CATSPERB: variants seen among roughly 807,000 people sequenced by gnomAD.
CATSPERB encodes the protein catsper channel auxiliary subunit beta, also known as cation channel sperm-associated auxiliary subunit beta.
Under a neutral mutation model 128.3 loss-of-function variants are expected in CATSPERB, and 93 were observed. That is an observed-to-expected ratio of 0.72 (90% CI 0.61 to 0.86). The LOEUF (loss-of-function observed/expected upper bound fraction) is 0.86, where lower values mean the gene tolerates loss of function less well. Ranked by LOEUF, CATSPERB falls within the 40% of genes least tolerant of loss-of-function variation. The pLI, the probability that CATSPERB is intolerant of heterozygous loss-of-function variation, is 0.00. For synonymous variants in CATSPERB, 381 were observed against 448.8 expected (o/e 0.85, Z 1.91); for missense variants, 1,153 against 1,329.5 (o/e 0.87, Z 2.06).
chr14:91,615,001 G>A (rs1205233657), intron 20 of CATSPERB, among the ~76,000 whole-genome samples: 4 of 152,018 alleles, frequency 2.6e-5, no homozygotes, highest in Non-Finnish European at 4.4e-5. Context: ...ATTCTGAAAC[G>A]TACAATACTA....
At chr14:91,658,355 A>G (rs1894820677) in intron 15 of CATSPERB, among the ~76,000 whole-genome samples, 2 of 152,062 alleles carry the variant, frequency 1.3e-5, no homozygotes, top group South Asian at 4.2e-4. Context: ...TCACAGACAT[A>G]GAGAGTAGAA....
chr14:91,730,576 G>A (rs1291709766), intron 1 of CATSPERB, among the ~76,000 whole-genome samples: 2 of 152,172 alleles, frequency 1.3e-5, no homozygotes, highest in Non-Finnish European at 2.9e-5. Context: ...ACTGGAGTGA[G>A]CAACCTGTGG....
chr14:91,636,756 T>C (rs925912967), intron 16 of CATSPERB, among the ~76,000 whole-genome samples, 177 bp from the exon 17 acceptor site: 1 of 152,204 alleles, frequency 6.6e-6, no homozygotes, highest in African/African-American at 2.4e-5. Flanking sequence ...AGGGAAGATG[T>C]ATTTTCCTGT....
chr14:91,582,411 C>A (rs2139751883), intron 26 of CATSPERB, among the ~76,000 whole-genome samples: 1 of 152,254 alleles, frequency 6.6e-6, no homozygotes, highest in South Asian at 2.1e-4. Context: ...AAACTTTATG[C>A]TTTTGATTGT....
At chr14:91,593,816 G>A (rs1315620014) in intron 22 of CATSPERB, among the ~76,000 whole-genome samples, 5 of 152,160 alleles carry the variant, frequency 3.3e-5, no homozygotes, top group Non-Finnish European at 5.9e-5. Flanking sequence ...ATATGGTTTG[G>A]CTGTGTTCCC....
At chr14:91,625,840 T>C (rs1894148896) in intron 17 of CATSPERB, among the ~76,000 whole-genome samples, 1 of 152,152 alleles carries the variant, frequency 6.6e-6, no homozygotes, top group Non-Finnish European at 1.5e-5. Flanking sequence ...AAAAATTAAC[T>C]CTAGGCCGGG....
At chr14:91,590,694 C>T (rs1461278641) in intron 23 of CATSPERB, among the ~76,000 whole-genome samples, 2 of 151,156 alleles carry the variant, frequency 1.3e-5, no homozygotes, top group East Asian at 3.9e-4. Flanking sequence ...GCTCTGTCGC[C>T]CAGGCTAGAG....
intron 22 of CATSPERB, among the ~76,000 whole-genome samples, chr14:91,601,633 G>T (rs1893609082): frequency 6.6e-6 from 1 of 152,114 alleles, no homozygotes; most frequent in African/African-American, 2.4e-5. Context: ...CACATTAGAG[G>T]ATAATAATAT....
chr14:91,624,747 T>C, intron 18 of CATSPERB, 73 bp downstream of exon 18: 1 of 1,153,598 alleles, frequency 8.7e-7, no homozygotes, highest in Non-Finnish European at 1.2e-6. Context: ...AAATAAGCAT[T>C]AAAATGCCTT....
intron 17 of CATSPERB, among the ~76,000 whole-genome samples, chr14:91,630,241 C>A (rs972013239): frequency 1.3e-5 from 2 of 151,860 alleles, no homozygotes; most frequent in East Asian, 3.9e-4. Context: ...ACTGGCTGCT[C>A]CTTCTCATCC....
intron 5 of CATSPERB, chr14:91,709,313 G>A (rs1210145895): frequency 6.6e-6 from 1 of 152,042 alleles, no homozygotes; most frequent in Non-Finnish European, 1.5e-5. Flanking sequence ...TTTCTGCTGG[G>A]TAAGTGGTTT....
rs1379416355 is a variant in CATSPERB, at chr14:91,636,419, C to T, written c.1742+6G>A. 9 of 1,612,370 alleles carry T rather than the reference C, an allele frequency of 5.6e-6. No homozygotes were observed. Among genetic ancestry groups the T allele is most frequent in the South Asian group, 1.1e-5 (1 of 90,816 alleles). On this transcript the variant is annotated splice_donor_region_variant and intron_variant, in intron 17 of 26. Coordinates refer to ENST00000256343, the MANE Select transcript of CATSPERB (RefSeq NM_024764.4). The stretch of plus-strand genomic sequence containing the variant: ...ATATGCCATCTAAATAAATGCATAT[C>T]ACTACCCAGAGTGTATCACTTTTCC...
chr14:91,719,565 T>A, intron 4 of CATSPERB, 87 bp from the exon 5 acceptor site: 1 of 1,072,314 alleles, frequency 9.3e-7, no homozygotes. Flanking sequence ...AAAAGAGAAT[T>A]AAACAAAAAC....
At chr14:91,694,699 G>GA (rs1456611800) in intron 7 of CATSPERB, among the ~76,000 whole-genome samples, 1 of 152,120 alleles carries the variant, frequency 6.6e-6, no homozygotes, top group Non-Finnish European at 1.5e-5. Flanking sequence ...TAAAAACAGA[G>GA]AAAACTTTTG....
At chr14:91,685,385 A>G (rs1206048103) in intron 10 of CATSPERB, among the ~76,000 whole-genome samples, 1 of 152,202 alleles carries the variant, frequency 6.6e-6, no homozygotes, top group East Asian at 1.9e-4. Context: ...AACTTGTTCA[A>G]AATTTTATGT....
intron 23 of CATSPERB, 145 bp from the exon 24 acceptor site, chr14:91,589,814 T>C (rs12590560): frequency 1.9e-5 from 13 of 694,662 alleles, no homozygotes; most frequent in Admixed American, 8.4e-5. Context: ...TTTTCAGTCA[T>C]GAAAATGTCT....
intron 7 of CATSPERB, among the ~76,000 whole-genome samples, chr14:91,700,849 C>T (rs1176248892): frequency 6.6e-6 from 1 of 152,080 alleles, no homozygotes; most frequent in Non-Finnish European, 1.5e-5. Flanking sequence ...GGTTGAAAAA[C>T]TAACTATTGG....
intron 5 of CATSPERB, among the ~76,000 whole-genome samples, chr14:91,711,711 A>G (rs1007530737): frequency 1.3e-5 from 2 of 152,228 alleles, no homozygotes; most frequent in Admixed American, 1.3e-4. Context: ...AAGAGGGACA[A>G]TACATATGAC....
chr14:91,660,108 TCTCTCTCTCA>T lies in CATSPERB; in HGVS notation c.1288-137_1288-128del, dbSNP rs1174525612. On this transcript the variant is annotated intron_variant, in intron 14 of 26. Coordinates refer to ENST00000256343, the MANE Select transcript of CATSPERB (RefSeq NM_024764.4). The stretch of plus-strand genomic sequence containing the variant: ...CCATATGCCTACATTCATCTCTCTC[TCTCTCTCTCA>T]CACACACACACACACACACACACAC... 5 of 605,672 alleles carry T rather than the reference TCTCTCTCTCA, an allele frequency of 8.3e-6. No homozygotes were observed. The Admixed American group carries it at 1.3e-4, about 15-fold the overall frequency. 37.5% of individuals were successfully genotyped at this position (605,672 alleles called of 1,614,324 possible).
Sources: gnomAD v4.1 joint callset for allele counts (sites outside exome capture counted in the v4.1 genomes callset) on GRCh38, gnomAD v4.1.1 for gene constraint, MANE v1.5 for transcripts, NCBI Gene and HGNC (gene_info 2026-07-23, HGNC 2026-07-21) for gene names.